LRBA: variants seen among roughly 807,000 people sequenced by gnomAD.
LRBA encodes lipopolysaccharide-responsive and beige-like anchor protein.
A neutral mutation model predicts 330.0 loss-of-function variants in LRBA; 176 were observed. That is an observed-to-expected ratio of 0.53 (90% CI 0.47 to 0.60). The LOEUF is 0.60. Ranked by LOEUF, LRBA falls within the 20% of genes least tolerant of loss-of-function variation. The pLI, the probability that LRBA is intolerant of heterozygous loss-of-function variation, is 0.00. For synonymous variants in LRBA, 1,230 were observed against 1,193.0 expected, an observed-to-expected ratio of 1.03 and a Z score of -0.64; for missense variants, 3,259 against 3,444.8, an observed-to-expected ratio of 0.95 and a Z score of 1.35.
chr4:150,697,742 C>A (rs973957494), intron 36 of LRBA, among the ~76,000 whole-genome samples: 1 of 151,996 alleles, frequency 6.6e-6, no homozygotes, highest in Non-Finnish European at 1.5e-5. Context: ...CAACACAGAC[C>A]ATTTCAAAAC....
chr4:150,570,895 T>C (rs1322979125), intron 40 of LRBA, among the ~76,000 whole-genome samples: 3 of 152,178 alleles, frequency 2.0e-5, no homozygotes, highest in Admixed American at 6.6e-5. Flanking sequence ...ATTTTTCTAA[T>C]AATACAGAGT....
intron 37 of LRBA, among the ~76,000 whole-genome samples, chr4:150,664,232 C>T (rs1013158896): frequency 1.3e-4 from 20 of 152,062 alleles, no homozygotes; most frequent in African/African-American, 4.8e-4. Context: ...AAGGGTTTTT[C>T]AATGAATCTA....
intron 36 of LRBA, among the ~76,000 whole-genome samples, chr4:150,731,574 T>G (rs1394398095): frequency 4.6e-5 from 7 of 152,186 alleles, no homozygotes. Context: ...TCTCACTTAT[T>G]TGTGGGATCT....
chr4:150,598,867 T>A (rs920093449), intron 38 of LRBA, 140 bp downstream of exon 38: 6 of 935,206 alleles, frequency 6.4e-6, no homozygotes, highest in Admixed American at 2.8e-5. Context: ...TATAAAAAAA[T>A]TTAACTTCTC....
chr4:150,886,565 C>G (rs1728956784), intron 17 of LRBA, among the ~76,000 whole-genome samples: 1 of 152,160 alleles, frequency 6.6e-6, no homozygotes, highest in Non-Finnish European at 1.5e-5. Flanking sequence ...ACTAGTCTGT[C>G]TCCCTGGATC....
intron 40 of LRBA, among the ~76,000 whole-genome samples, chr4:150,575,927 G>T (rs115522593): frequency 6.6e-6 from 1 of 151,836 alleles, no homozygotes; most frequent in Non-Finnish European, 1.5e-5. Context: ...TCTGATCCTG[G>T]TTTTTCTGTC....
At chr4:150,299,506 G>A (rs1252902826) in intron 53 of LRBA, among the ~76,000 whole-genome samples, 1 of 152,008 alleles carries the variant, frequency 6.6e-6, no homozygotes, top group Non-Finnish European at 1.5e-5. Context: ...AAAAGGCTGA[G>A]AAGCGATGTA....
chr4:150,740,001 G>T (rs1413642154), intron 35 of LRBA, among the ~76,000 whole-genome samples: 1 of 152,154 alleles, frequency 6.6e-6, no homozygotes, highest in African/African-American at 2.4e-5. Flanking sequence ...ACAAATGTAT[G>T]TTTCTTTAAG....
chr4:150,639,360 T>TAAAAAAAAAAAAAA (rs371245495), intron 37 of LRBA, among the ~76,000 whole-genome samples: 1 of 106,696 alleles, frequency 9.4e-6, no homozygotes, highest in Non-Finnish European at 1.8e-5. Flanking sequence ...TAAAGTATAA[T>TAAAAAAAAAAAAAA]AAAAAAAAAA....
chr4:150,937,803 C>G (rs1735241290), intron 2 of LRBA, among the ~76,000 whole-genome samples: 1 of 152,052 alleles, frequency 6.6e-6, no homozygotes, highest in East Asian at 1.9e-4. Flanking sequence ...TTTAATTGAG[C>G]ATGATTATTT....
At chr4:150,787,325 C>G (rs1739230235) in intron 34 of LRBA, among the ~76,000 whole-genome samples, 1 of 151,906 alleles carries the variant, frequency 6.6e-6, no homozygotes, top group Admixed American at 6.6e-5. Flanking sequence ...TAATAAGATC[C>G]TTTTTTAAAA....
intron 36 of LRBA, among the ~76,000 whole-genome samples, chr4:150,716,119 A>C (rs534968995): frequency 3.9e-5 from 6 of 152,340 alleles, no homozygotes; most frequent in African/African-American, 9.6e-5. Context: ...ACAACAAAAA[A>C]AAAAATCACT....
intron 40 of LRBA, among the ~76,000 whole-genome samples, chr4:150,509,560 T>C (rs1761579071): frequency 1.2e-5 from 1 of 82,916 alleles, no homozygotes; most frequent in Non-Finnish European, 2.9e-5. Context: ...ATCAAAAGAA[T>C]AGAAAACCAA....
intron 40 of LRBA, among the ~76,000 whole-genome samples, chr4:150,537,727 G>A (rs1413119350): frequency 2.0e-5 from 3 of 152,138 alleles, no homozygotes; most frequent in African/African-American, 4.8e-5. Flanking sequence ...AAGGCAGGTG[G>A]ATCACTTGAG....
intron 17 of LRBA, among the ~76,000 whole-genome samples, chr4:150,878,478 TA>T (rs1293030341): frequency 9.2e-5 from 13 of 140,936 alleles, no homozygotes; most frequent in Non-Finnish European, 1.6e-4. Context: ...CAGAAGAAAA[TA>T]AAAAATAACA....
chr4:151,006,764 A>G (rs1428268822), intron 2 of LRBA, among the ~76,000 whole-genome samples: 1 of 152,240 alleles, frequency 6.6e-6, no homozygotes, highest in Non-Finnish European at 1.5e-5. Flanking sequence ...AAGGTCAACA[A>G]AACTGTATGC....
chr4:150,938,673 T>G (rs760737887), intron 2 of LRBA, among the ~76,000 whole-genome samples: 30 of 152,166 alleles, frequency 2.0e-4, no homozygotes, highest in Non-Finnish European at 4.1e-4. Context: ...AGATGCAGAA[T>G]AGTGGCAAGA....
At chr4:150,600,084 A>ATC (rs1773964189) in intron 37 of LRBA, among the ~76,000 whole-genome samples, 1 of 152,086 alleles carries the variant, frequency 6.6e-6, no homozygotes, top group South Asian at 2.1e-4. Flanking sequence ...ACTAATCATG[A>ATC]TCTAGCATGC....
At chr4:150,332,248 A>G (rs1490507024) in intron 48 of LRBA, among the ~76,000 whole-genome samples, 2 of 152,086 alleles carry the variant, frequency 1.3e-5, no homozygotes, top group African/African-American at 4.8e-5. Flanking sequence ...ACCCTTGTAT[A>G]TATTTTCTAT....
Sources: gnomAD v4.1 joint callset for allele counts (sites outside exome capture counted in the v4.1 genomes callset) on GRCh38, gnomAD v4.1.1 for gene constraint, MANE v1.5 for transcripts, NCBI Gene and HGNC (gene_info 2026-07-23, HGNC 2026-07-21) for gene names.